Variants in A3GALT2 observed in about 807,000 individuals in gnomAD.
A3GALT2 encodes alpha-1,3-galactosyltransferase 2.
A3GALT2 carries 14 observed loss-of-function variants against 16.6 expected under a neutral mutation model. That is an observed-to-expected ratio of 0.84 (90% CI 0.56 to 1.32). A3GALT2 has a LOEUF of 1.32. Among genes scored for constraint, A3GALT2 ranks in the 40% most tolerant of loss-of-function variants. The pLI, the probability that A3GALT2 is intolerant of heterozygous loss-of-function variation, is 0.00. For missense variants in A3GALT2, 600 were observed against 490.9 expected, an observed-to-expected ratio of 1.22 and a Z score of -2.10; for synonymous variants, 253 against 218.0, an observed-to-expected ratio of 1.16 and a Z score of -1.42.
chr1:33,312,651 A>G lies in A3GALT2; in HGVS notation c.108-61T>C, dbSNP rs113289735. On this transcript the variant is annotated intron_variant, in intron 2 of 4. Transcript: ENST00000442999. ...TGAGAAGCATGTCAGCCTGGCCAGG[A>G]GCCCTCTGGCTTTGCTTCTTACAAG... The G allele has an allele frequency of 1.8e-3, 2,648 of 1,493,182 alleles. 5 individuals carry two copies. Among genetic ancestry groups the G allele is most frequent in the Non-Finnish European group, 2.3e-3 (2,494 of 1,094,220 alleles). 92.5% of individuals were successfully genotyped at this position (1,493,182 alleles called of 1,614,324 possible).
intron 1 of A3GALT2, 60 bp from the exon 2 acceptor site, chr1:33,312,950 T>G: frequency 7.9e-7 from 1 of 1,269,278 alleles, no homozygotes; most frequent in Non-Finnish European, 1.1e-6. Context: ...AATATTTATA[T>G]GCACACATAC....
Position 33,320,792 on chromosome 1 carries a change from G to T in A3GALT2, c.23+284C>A, listed in dbSNP as rs1646282406. Among the ~76,000 whole-genome samples the T allele has an allele frequency of 6.6e-6, 1 of 151,986 alleles. No homozygotes were observed. On this transcript the variant is annotated intron_variant, in intron 1 of 4. Transcript: ENST00000442999. The surrounding 1 kb of genome is among the most constrained non-coding windows in gnomAD (Gnocchi z 4.3). The stretch of plus-strand genomic sequence containing the variant: ...CTCTGCTTTCCGGCTCGCCAAGGGG[G>T]TTTAGAGTTAAGGGAAGCAAGGGGA...
In A3GALT2 at chr1:33,306,849, T is replaced by G; in HGVS notation, c.940A>C (p.Ser314Arg). The change falls in exon 5 of 5, where the codon AGC (serine) becomes CGC (arginine). Residue 314 changes from serine (S) to arginine (R), a missense_variant. Physicochemically the swap from Ser to Arg is moderately radical, Grantham distance 110. Coordinates refer to ENST00000442999, the MANE Select transcript of A3GALT2 (RefSeq NM_001080438.1). The part of the protein sequence containing the change: ...AKVLSPEFCW[S>R]PDIGPRAEIR... ...TCGGCCCGCGGGCCGATGTCCGGGC[T>G]CCAGCAGAACTCGGGCGACAGCACC... 1.3e-6 allele frequency: 2 copies of G among 1,509,864 alleles called. No homozygotes were observed. Among genetic ancestry groups the G allele is most frequent in the Non-Finnish European group, 1.8e-6 (2 of 1,135,346 alleles). 93.5% of individuals were successfully genotyped at this position (1,509,864 alleles called of 1,614,324 possible).
In A3GALT2 at chr1:33,306,816, G is replaced by T. The variant is rs1646194430; in HGVS notation, c.973C>A (p.Arg325Ser). The T allele has an allele frequency of 3.4e-6, 5 of 1,477,496 alleles. No individual in the cohort carries two copies. Among genetic ancestry groups the T allele is most frequent in the Non-Finnish European group, 4.5e-6 (5 of 1,121,352 alleles). 91.5% of individuals were successfully genotyped at this position (1,477,496 alleles called of 1,614,324 possible). ...PDIGPRAEIR[R>S]PRLLWAPKGY... ...TTGGGCGCCCACAGCAGTCGCGGGC[G>T]GCGGATCTCGGCCCGCGGGCCGATG... The change falls in exon 5 of 5, where the codon CGC (arginine) becomes AGC (serine). Residue 325 changes from arginine to serine, a missense_variant. Coordinates refer to ENST00000442999, the MANE Select transcript of A3GALT2 (RefSeq NM_001080438.1).
chr1:33,309,025 C>T (rs1387745112), intron 4 of A3GALT2, among the ~76,000 whole-genome samples: 3 of 151,426 alleles, frequency 2.0e-5, no homozygotes, highest in African/African-American at 7.3e-5. Flanking sequence ...CTTGCACCGC[C>T]CTTAATCCAT....
intron 4 of A3GALT2, among the ~76,000 whole-genome samples, chr1:33,309,151 A>C (rs10753280): frequency 0.72 from 109,025 of 151,816 alleles, 39,811 homozygotes; most frequent in African/African-American, 0.85. Context: ...AAAATGGAGT[A>C]TCCTATGTCT....
At position 33,320,860 on chromosome 1, in the gene A3GALT2, TC is replaced by T. The variant is rs1438528091; in HGVS notation, c.23+215del. Among the ~76,000 whole-genome samples the T allele has an allele frequency of 6.6e-6, 1 of 151,710 alleles. No individual in the cohort carries two copies. Among genetic ancestry groups the T allele is most frequent in the Admixed American group, 6.6e-5 (1 of 15,044 alleles). On this transcript the variant is annotated intron_variant, in intron 1 of 4. Transcript: ENST00000442999. This position sits in a 1 kb window ranked among gnomAD's most constrained non-coding sequence, Gnocchi z 4.3. ...CTACAAAATCTTGTGGAATACAACC[TC>T]CCCCACCCCGGTGTCCATGCACACG...
At chr1:33,316,715 G>A (rs946217269) in intron 1 of A3GALT2, among the ~76,000 whole-genome samples, 2 of 152,198 alleles carry the variant, frequency 1.3e-5, no homozygotes, top group Non-Finnish European at 2.9e-5. Context: ...GTACCAGAAA[G>A]GAGAAGATGC....
At chr1:33,312,968 GTCTT>G (rs1196100399) in intron 1 of A3GALT2, 78 bp from the exon 2 acceptor site, 9 of 1,183,414 alleles carry the variant, frequency 7.6e-6, no homozygotes, top group Non-Finnish European at 9.8e-6. Context: ...TACATGAAAA[GTCTT>G]TCTTACTTCC....
chr1:33,307,297 C>G lies in A3GALT2; in HGVS notation c.492G>C (p.Ala164=), dbSNP rs2148155324. The change falls in exon 5 of 5, where the codon GCG becomes GCC. Residue 164 remains alanine, a synonymous_variant. Coordinates refer to ENST00000442999, the MANE Select transcript of A3GALT2 (RefSeq NM_001080438.1). ...ACACGTCTTGCCAGCGCCGCTCGCG[C>G]GCCACGCGCTCCACGGGCAGCCGGC... ...PGRRLPVERV[A]RERRWQDVSM... 1 of 1,463,734 alleles carries G rather than the reference C, an allele frequency of 6.8e-7. No individual in the cohort carries two copies. The highest frequency in any genetic ancestry group is 1.5e-5 in the African/African-American group (1 of 67,592). 90.7% of individuals were successfully genotyped at this position (1,463,734 alleles called of 1,614,324 possible).
In A3GALT2 at chr1:33,312,647, C is replaced by T. The variant is rs1049541899; in HGVS notation, c.108-57G>A. 4.0e-6 allele frequency: 6 copies of T among 1,498,506 alleles called. No individual in the cohort carries two copies. The African/African-American group carries it at 8.3e-5, about 21-fold the overall frequency. The allele number at this position is 1,498,506 out of a possible 1,614,324, so 92.8% of individuals were successfully genotyped here. The stretch of plus-strand genomic sequence containing the variant: ...GCCGTGAGAAGCATGTCAGCCTGGC[C>T]AGGAGCCCTCTGGCTTTGCTTCTTA... On this transcript the variant is annotated intron_variant, in intron 2 of 4. Transcript: ENST00000442999.
intron 4 of A3GALT2, among the ~76,000 whole-genome samples, chr1:33,309,424 G>A (rs564515426): frequency 6.6e-5 from 10 of 151,398 alleles, no homozygotes; most frequent in Non-Finnish European, 1.2e-4. Flanking sequence ...CGGACGGGGC[G>A]GCTGGCCAGG....
chr1:33,308,750 GTTTTTTTTTTTTTTT>G (rs56655319), intron 4 of A3GALT2, among the ~76,000 whole-genome samples: 4 of 46,130 alleles, frequency 8.7e-5, no homozygotes, highest in African/African-American at 2.4e-4. Context: ...TGTCAAAGTT[GTTTTTTTTTTTTTTT>G]TTTTTTTTTT....
chr1:33,312,668 T>G, intron 2 of A3GALT2, 78 bp from the exon 3 acceptor site: 2 of 1,464,992 alleles, frequency 1.4e-6, no homozygotes, highest in Non-Finnish European at 1.9e-6. Flanking sequence ...TGGCTTTGCT[T>G]CTTACAAGGA....
chr1:33,308,323 T>A (rs909908300), intron 4 of A3GALT2, among the ~76,000 whole-genome samples: 2 of 151,832 alleles, frequency 1.3e-5, no homozygotes, highest in African/African-American at 4.8e-5. Flanking sequence ...TCTTCAGCAG[T>A]TGGTCTCCCA....
At chr1:33,319,855 T>G (rs1191383448) in intron 1 of A3GALT2, among the ~76,000 whole-genome samples, 1 of 152,022 alleles carries the variant, frequency 6.6e-6, no homozygotes, top group African/African-American at 2.4e-5. Context: ...TCCGTGTTCT[T>G]TAGGTGAAAA....
intron 3 of A3GALT2, 94 bp from the exon 4 acceptor site, chr1:33,312,283 G>A (rs1341917075): frequency 1.3e-6 from 2 of 1,524,780 alleles, no homozygotes; most frequent in African/African-American, 2.7e-5. Flanking sequence ...GAGCCCTAGG[G>A]ACCCATAGAC....
rs547858497 is a variant in A3GALT2 at position 33,315,944 on chromosome 1, G to A, written c.24-3054C>T. ...GGGTGTAGTTGGGCGGGGGGGCAGT[G>A]GTGAGGGTATGGGTCACATGACACA... On this transcript the variant is annotated intron_variant, in intron 1 of 4. Coordinates refer to ENST00000442999, the MANE Select transcript of A3GALT2 (RefSeq NM_001080438.1). Among the ~76,000 whole-genome samples the A allele has an allele frequency of 7.2e-5, 11 of 152,272 alleles. No homozygotes were observed. The South Asian group carries it at 2.3e-3, about 32-fold the overall frequency.
In A3GALT2 at chr1:33,320,495, G is replaced by T. The variant is rs1646280905; in HGVS notation, c.23+581C>A. Among the ~76,000 whole-genome samples the T allele has an allele frequency of 6.6e-6, 1 of 151,990 alleles. No homozygotes were observed. On this transcript the variant is annotated intron_variant, in intron 1 of 4. Coordinates refer to ENST00000442999, the MANE Select transcript of A3GALT2 (RefSeq NM_001080438.1). The surrounding 1 kb of genome is among the most constrained non-coding windows in gnomAD (Gnocchi z 4.3). ...TGGGTGGGACCCACCAGCTCCTCCT[G>T]CCCCTCCTATGCCCCAGCCTGGGAG...
Sources: allele counts gnomAD v4.1 joint callset (sites outside exome capture counted in the v4.1 genomes callset), GRCh38; gene constraint gnomAD v4.1.1; non-coding constraint Gnocchi (gnomAD v3.1); transcripts MANE v1.5; gene names NCBI Gene and HGNC (gene_info 2026-07-23, HGNC 2026-07-21).